The following GUCY2C variants were observed in gnomAD, a reference collection of about 807,000 sequenced individuals.
GUCY2C encodes the protein guanylate cyclase 2C.
In GUCY2C, 118 loss-of-function variants were observed where a neutral mutation model predicts 131.1. That is an observed-to-expected ratio of 0.90 (90% CI 0.78 to 1.05). The LOEUF is 1.05. Among genes scored for constraint, GUCY2C ranks in the 50% least tolerant of loss-of-function variants. The pLI is 0.00. For missense variants in GUCY2C, 1,161 were observed against 1,304.4 expected, an observed-to-expected ratio of 0.89 and a Z score of 1.69; for synonymous variants, 452 against 457.8, an observed-to-expected ratio of 0.99 and a Z score of 0.16.
intron 3 of GUCY2C, 84 bp downstream of exon 3, chr12:14,686,077 G>T (rs113863935): frequency 2.4e-6 from 2 of 831,378 alleles, no homozygotes; most frequent in Non-Finnish European, 4.1e-6. Flanking sequence ...CTCTGATTGT[G>T]TTGGCTTGAC....
chr12:14,616,868 C>T lies in GUCY2C; in HGVS notation c.2876-141G>A, dbSNP rs11056061. 4.4e-3 allele frequency: 2,836 copies of T among 649,306 alleles called. 86 individuals carry two copies. In the East Asian group the frequency reaches 0.067, roughly 15 times the overall value. 40.2% of individuals were successfully genotyped at this position (649,306 alleles called of 1,614,324 possible). A position where few individuals can be genotyped will look rare whatever the true frequency, so the allele number is the denominator to read the frequency against. ...TTGTGGCTATTTTAATGAAAGAACA[C>T]TTAAAAATAACATCAGAGAGATAAG... On this transcript the variant is annotated intron_variant, in intron 24 of 26. Transcript: ENST00000261170.
chr12:14,638,001 C>A (rs1467729790), intron 19 of GUCY2C, among the ~76,000 whole-genome samples: 1 of 152,044 alleles, frequency 6.6e-6, no homozygotes, highest in African/African-American at 2.4e-5. Flanking sequence ...CCAGAATATA[C>A]AAGGAGCTCA....
chr12:14,658,475 A>C (rs1947802552), intron 11 of GUCY2C, among the ~76,000 whole-genome samples: 2 of 152,202 alleles, frequency 1.3e-5, no homozygotes, highest in African/African-American at 4.8e-5. Flanking sequence ...TCAGGAGTTG[A>C]GACCAGGCTG....
intron 15 of GUCY2C, among the ~76,000 whole-genome samples, chr12:14,647,241 G>A (rs142898841): frequency 1.6e-4 from 25 of 152,056 alleles, no homozygotes; most frequent in Admixed American, 7.9e-4. Flanking sequence ...TCACTACACC[G>A]CCTTGATTAT....
intron 24 of GUCY2C, 29 bp from the exon 25 acceptor site, chr12:14,616,756 C>T (rs2136971200): frequency 8.0e-7 from 1 of 1,247,194 alleles, no homozygotes; most frequent in South Asian, 1.2e-5. Context: ...AAATAAAAAT[C>T]CCAGCTAGTA....
chr12:14,645,112 A>G (rs367953901), intron 16 of GUCY2C, 117 bp downstream of exon 16: 9 of 627,016 alleles, frequency 1.4e-5, no homozygotes, highest in Admixed American at 5.8e-5. Flanking sequence ...ACCCTATGAC[A>G]TAGCTATTAT....
Position 14,621,342 on chromosome 12 carries a change from C to T in GUCY2C, c.2602-126G>A, listed in dbSNP as rs1484734398. 9 of 798,814 alleles carry T rather than the reference C, an allele frequency of 1.1e-5. No individual in the cohort carries two copies. The African/African-American group carries it at 1.4e-4, about 12-fold the overall frequency. The allele number at this position is 798,814 out of a possible 1,614,324, so 49.5% of individuals were successfully genotyped here. On this transcript the variant is annotated intron_variant, in intron 22 of 26. Transcript: ENST00000261170. ...AACACAGTATGAGCATAGCCCTTTA[C>T]ACTTTTTCTGGGGCCAGTTGGATCA...
At chr12:14,681,546 AT>A in intron 4 of GUCY2C, 69 bp from the exon 5 acceptor site, 1 of 1,317,136 alleles carries the variant, frequency 7.6e-7, no homozygotes, top group South Asian at 1.2e-5. Context: ...TTCACTTCTT[AT>A]TTGCAGATCT....
intron 4 of GUCY2C, among the ~76,000 whole-genome samples, chr12:14,682,574 C>T (rs770816204): frequency 2.0e-5 from 3 of 152,200 alleles, no homozygotes; most frequent in Middle Eastern, 3.4e-3. Context: ...AATACAATAC[C>T]CATTATTCCT....
In GUCY2C at chr12:14,696,252, C is replaced by T; in HGVS notation, c.197G>A (p.Arg66Lys). 6.2e-7 allele frequency: 1 copy of T among 1,613,908 alleles called. No homozygotes were observed. Among genetic ancestry groups the T allele is most frequent in the Non-Finnish European group, 8.5e-7 (1 of 1,179,764 alleles). Residue 66 changes from arginine to lysine, a missense_variant, in exon 1 of 27, where the codon AGA becomes AAA. Coordinates refer to ENST00000261170, the MANE Select transcript of GUCY2C (RefSeq NM_004963.4). ...CTTACCAGCATTTTGCAGACGTCCT[C>T]TCACTATTTCCAGCCCCTCATTCAC... ...DAVNEGLEIV[R>K]GRLQNAGLNV...
Position 14,662,675 on chromosome 12 carries a change from C to CAAA in GUCY2C, c.1283-1616_1283-1614dup, listed in dbSNP as rs35153087. On this transcript the variant is annotated intron_variant, in intron 10 of 26. Coordinates refer to ENST00000261170, the MANE Select transcript of GUCY2C (RefSeq NM_004963.4). ...TGGGCGACACAATGAGACTCCGTCT[C>CAAA]AAAAAAAAAAAAAAAAAAAGAAAGA... 7.2e-4 allele frequency among the ~76,000 whole-genome samples: 52 copies of CAAA among 72,058 alleles called. 1 individual carries two copies. The highest frequency in any genetic ancestry group is 2.0e-3 in the African/African-American group (46 of 22,528). 47.3% of individuals were successfully genotyped at this position (72,058 alleles called of 152,430 possible). A position where few individuals can be genotyped will look rare whatever the true frequency, so the allele number is the denominator to read the frequency against.
At position 14,621,230 on chromosome 12, in the gene GUCY2C, T is replaced by G; in HGVS notation, c.2602-14A>C. 1.2e-6 allele frequency: 2 copies of G among 1,601,918 alleles called. No individual in the cohort carries two copies. The highest frequency in any genetic ancestry group is 8.5e-7 in the Non-Finnish European group (1 of 1,170,686). On this transcript the variant is annotated splice_polypyrimidine_tract_variant and intron_variant, in intron 22 of 26. Coordinates refer to ENST00000261170, the MANE Select transcript of GUCY2C (RefSeq NM_004963.4). ...GATGGTTTCCACCTGTGGAAACAGT[T>G]TCTCATGAGTGCCTCTGCCCCTTTG...
chr12:14,626,012 C>T, intron 20 of GUCY2C, 97 bp from the exon 21 acceptor site: 1 of 751,944 alleles, frequency 1.3e-6, no homozygotes, highest in Admixed American at 2.8e-5. Flanking sequence ...GATAATTAAA[C>T]AAAGAAAAAT....
chr12:14,630,097 CT>C (rs1159231513), intron 19 of GUCY2C, among the ~76,000 whole-genome samples: 1,987 of 143,006 alleles, frequency 0.014, 26 homozygotes, highest in African/African-American at 0.041. Context: ...CTGTTTGCAG[CT>C]TTTTTTTTTT....
Position 14,687,933 on chromosome 12 carries a change from A to G in GUCY2C, c.330+18T>C. On this transcript the variant is annotated intron_variant, in intron 2 of 26. Transcript: ENST00000261170. ...TGCCCAGAGGCCATGAGCTGCATCC[A>G]CAAAAGCAAATACTTACTGAAATTT... The G allele has an allele frequency of 2.8e-6, 4 of 1,420,224 alleles. No homozygotes were observed. The highest frequency in any genetic ancestry group is 1.1e-5 in the South Asian group (1 of 87,240). 88.0% of individuals were successfully genotyped at this position (1,420,224 alleles called of 1,614,324 possible).
chr12:14,652,838 A>G (rs1041655176), intron 13 of GUCY2C, 114 bp downstream of exon 13: 1 of 784,258 alleles, frequency 1.3e-6, no homozygotes, highest in African/African-American at 1.7e-5. Flanking sequence ...AGCCCCTAGG[A>G]ACAGACTGGG....
At chr12:14,662,788 A>G (rs1243959498) in intron 10 of GUCY2C, among the ~76,000 whole-genome samples, 2 of 152,106 alleles carry the variant, frequency 1.3e-5, no homozygotes, top group African/African-American at 2.4e-5. Flanking sequence ...GAATCAAGTT[A>G]TAGGTAAAGA....
At chr12:14,657,780 A>G (rs1947791572) in intron 11 of GUCY2C, among the ~76,000 whole-genome samples, 1 of 152,164 alleles carries the variant, frequency 6.6e-6, no homozygotes, top group South Asian at 2.1e-4. Context: ...ATTGTTTTCC[A>G]TGAAACCAGT....
chr12:14,636,281 A>G, intron 19 of GUCY2C, among the ~76,000 whole-genome samples: 1 of 152,226 alleles, frequency 6.6e-6, no homozygotes, highest in East Asian at 1.9e-4. Context: ...ATTTATCCCC[A>G]GGAAGCAAGG....
Sources: allele counts gnomAD v4.1 joint callset (sites outside exome capture counted in the v4.1 genomes callset), GRCh38; gene constraint gnomAD v4.1.1; transcripts MANE v1.5; gene names NCBI Gene and HGNC (gene_info 2026-07-23, HGNC 2026-07-21).